Variants in BMP3 observed in about 807,000 individuals in gnomAD.
BMP3 encodes bone morphogenetic protein 3.
BMP3 carries 23 observed loss-of-function variants against 38.1 expected under a neutral mutation model. That is an observed-to-expected ratio of 0.60 (90% confidence interval 0.43 to 0.86). The LOEUF is 0.86. BMP3 is among the 40% of genes least tolerant of loss of function. The pLI, the probability that BMP3 is intolerant of heterozygous loss-of-function variation, is 0.00. For missense variants in BMP3, 628 were observed against 579.6 expected (o/e 1.08, Z -0.86); for synonymous variants, 258 against 225.7 (o/e 1.14, Z -1.28).
chr4:81,047,817 G>A (rs1456592732), intron 2 of BMP3, among the ~76,000 whole-genome samples: 1 of 152,030 alleles, frequency 6.6e-6, no homozygotes, highest in East Asian at 1.9e-4. Context: ...GCATGCCCCT[G>A]TAGTTCCAGC....
chr4:81,037,436 C>T (rs983749062), intron 1 of BMP3: 2 of 204,302 alleles, frequency 9.8e-6, no homozygotes, highest in South Asian at 7.2e-5. Flanking sequence ...TTGGCTGAAC[C>T]GCTAAGAAGT....
chr4:81,048,076 G>A (rs1265784304), intron 2 of BMP3, among the ~76,000 whole-genome samples: 1 of 151,760 alleles, frequency 6.6e-6, no homozygotes, highest in Non-Finnish European at 1.5e-5. Flanking sequence ...TCTTTCCCAA[G>A]GATTTTTGAT....
rs979862401 is a variant in BMP3, at chr4:81,031,029, A to G, written c.-256A>G. On this transcript the variant is annotated 5_prime_UTR_variant, in exon 1 of 3. Transcript: ENST00000282701. ...CAGCTCTTTCTCAGCGTTGGAGTGGAGACGGCGCCCGCAGCGCCCTGCGCG... is the reference window on the plus strand; with the variant it reads ...CAGCTCTTTCTCAGCGTTGGAGTGGGGACGGCGCCCGCAGCGCCCTGCGCG... 8.0e-6 allele frequency: 4 copies of G among 498,524 alleles called. No homozygotes were observed. The highest frequency in any genetic ancestry group is 4.0e-5 in the Admixed American group (1 of 25,154). 30.9% of individuals were successfully genotyped at this position (498,524 alleles called of 1,614,324 possible). A position where few individuals can be genotyped will look rare whatever the true frequency, so the allele number is the denominator to read the frequency against.
chr4:81,035,767 G>A (rs964860874), intron 1 of BMP3, among the ~76,000 whole-genome samples: 2 of 151,882 alleles, frequency 1.3e-5, no homozygotes, highest in East Asian at 1.9e-4. Context: ...ATAAAATTGG[G>A]CCTCATGGTC....
chr4:81,051,256 T>C (rs1198974834), intron 2 of BMP3, among the ~76,000 whole-genome samples: 1 of 152,172 alleles, frequency 6.6e-6, no homozygotes, highest in Admixed American at 6.6e-5. Context: ...CACAGAAACT[T>C]GTATTTGTGT....
rs1262387210 is a variant in BMP3 at position 81,031,600 on chromosome 4, GGTGA to G, written c.316+4_316+7del. ...TCGCAGCTTTCGGGCGGCAGCAGCA[GGTGA>G]GTGCGCGAGGTGAGACTCCCTTCCC... On this transcript the variant is annotated splice_donor_variant and splice_donor_region_variant and intron_variant, in intron 1 of 2. Coordinates refer to ENST00000282701, the MANE Select transcript of BMP3 (RefSeq NM_001201.5). LOFTEE classifies it high-confidence loss of function. 9.4e-6 allele frequency: 15 copies of G among 1,587,842 alleles called. No homozygotes were observed. The highest frequency in any genetic ancestry group is 1.2e-5 in the Non-Finnish European group (14 of 1,168,854).
chr4:81,036,163 T>G lies in BMP3; in HGVS notation c.316+4563T>G, dbSNP rs146401030. On this transcript the variant is annotated intron_variant, in intron 1 of 2. Transcript: ENST00000282701. ...TCATCTATAAGATTAATATTCATTG[T>G]TTCACACAGGTATTATGCTTTAAAA... Among the ~76,000 whole-genome samples, 374 of 152,136 alleles carry G rather than the reference T, an allele frequency of 2.5e-3. 2 individuals carry two copies. The highest frequency in any genetic ancestry group is 8.3e-3 in the African/African-American group (344 of 41,568).
At chr4:81,040,339 C>T (rs770542738) in intron 1 of BMP3, among the ~76,000 whole-genome samples, 6 of 152,156 alleles carry the variant, frequency 3.9e-5, no homozygotes, top group Admixed American at 6.6e-5. Context: ...GACGTTCTCT[C>T]GTTCACTTTC....
chr4:81,050,044 C>G (rs924215879), intron 2 of BMP3, among the ~76,000 whole-genome samples: 25 of 152,194 alleles, frequency 1.6e-4, no homozygotes, highest in African/African-American at 6.0e-4. Context: ...TGTGTTCTTT[C>G]TGCCTTTCCC....
Position 81,031,006 on chromosome 4 carries a change from G to C in BMP3, c.-279G>C, listed in dbSNP as rs1739734369. The C allele has an allele frequency of 4.3e-6, 2 of 463,264 alleles. No homozygotes were observed. The allele number at this position is 463,264 out of a possible 1,614,324, so 28.7% of individuals were successfully genotyped here. A position where few individuals can be genotyped will look rare whatever the true frequency, so the allele number is the denominator to read the frequency against. ...CGGGCCACACACGCCGCGACCTACA[G>C]CTCTTTCTCAGCGTTGGAGTGGAGA... On this transcript the variant is annotated 5_prime_UTR_variant, in exon 1 of 3. Coordinates refer to ENST00000282701, the MANE Select transcript of BMP3 (RefSeq NM_001201.5).
chr4:81,042,034 G>GT (rs1157466593), intron 1 of BMP3, among the ~76,000 whole-genome samples: 1 of 151,960 alleles, frequency 6.6e-6, no homozygotes, highest in Admixed American at 6.6e-5. Flanking sequence ...AGCCACAAAT[G>GT]TTAGTCACAT....
rs534258407 is a variant in BMP3 at position 81,031,217 on chromosome 4, G to C, written c.-68G>C. ...GAGTTCAACCCTCGGCTCCGCCGCC[G>C]GCTCCTTGCGCCTTCGGAGTGTCCC... is the stretch of plus-strand genomic sequence containing the variant. On this transcript the variant is annotated 5_prime_UTR_variant, in exon 1 of 3. Coordinates refer to ENST00000282701, the MANE Select transcript of BMP3 (RefSeq NM_001201.5). The C allele has an allele frequency of 6.9e-6, 10 of 1,447,190 alleles. No individual in the cohort carries two copies. In the East Asian group the frequency reaches 1.8e-4, roughly 25 times the overall value. 89.6% of individuals were successfully genotyped at this position (1,447,190 alleles called of 1,614,324 possible).
chr4:81,036,353 A>C (rs1027961870), intron 1 of BMP3, among the ~76,000 whole-genome samples: 2 of 152,052 alleles, frequency 1.3e-5, no homozygotes, highest in African/African-American at 4.8e-5. Flanking sequence ...AATAGGCATA[A>C]TAAAAATATC....
rs1160918354 is a variant in BMP3, at chr4:81,030,757, G to GCA, written c.-514_-513dup. On this transcript the variant is annotated 5_prime_UTR_variant, in exon 1 of 3. Coordinates refer to ENST00000282701, the MANE Select transcript of BMP3 (RefSeq NM_001201.5). ...CACGCACACACGCGCGCGCGCGCGC[G>GCA]CACACACACACACACGTACACTAAA... Among the ~76,000 whole-genome samples the GCA allele has an allele frequency of 1.0e-4, 15 of 148,474 alleles. No homozygotes were observed. The highest frequency in any genetic ancestry group is 2.1e-4 in the East Asian group (1 of 4,790).
chr4:81,031,265 C>A lies in BMP3; in HGVS notation c.-20C>A, dbSNP rs765453598. The A allele has an allele frequency of 1.9e-6, 3 of 1,565,838 alleles. No individual in the cohort carries two copies. The highest frequency in any genetic ancestry group is 3.6e-5 in the Admixed American group (2 of 55,372). Reference sequence around the variant, plus strand: ...CCCGCAGCGACGCCGGGAGCCGACGCGCCGCGCGGGTACCTAGCCATGGCT... The same window carrying A: ...CCCGCAGCGACGCCGGGAGCCGACGAGCCGCGCGGGTACCTAGCCATGGCT... On this transcript the variant is annotated 5_prime_UTR_variant, in exon 1 of 3. Coordinates refer to ENST00000282701, the MANE Select transcript of BMP3 (RefSeq NM_001201.5).
chr4:81,040,640 C>A (rs1740047646), intron 1 of BMP3, among the ~76,000 whole-genome samples: 1 of 152,070 alleles, frequency 6.6e-6, no homozygotes, highest in Non-Finnish European at 1.5e-5. Flanking sequence ...TTATTCAACT[C>A]AAATCTATGA....
chr4:81,031,351 G>A lies in BMP3; in HGVS notation c.67G>A (p.Glu23Lys), dbSNP rs764446118. The A allele has an allele frequency of 6.2e-7, 1 of 1,612,598 alleles. No individual in the cohort carries two copies. The highest frequency in any genetic ancestry group is 8.5e-7 in the Non-Finnish European group (1 of 1,179,568). Residue 23 changes from glutamate (E) to lysine (K), a missense_variant, in exon 1 of 3, where the codon GAG becomes AAG. Glu to Lys is a moderately conservative substitution (Grantham distance 56). Transcript: ENST00000282701. ...GCFCVSLAQG[E>K]RPKPPFPELR... ...CTTCTGCGTGAGCCTGGCGCAGGGAGAGAGACCGAAGCCACCTTTCCCGGA... is the reference window on the plus strand; with the variant it reads ...CTTCTGCGTGAGCCTGGCGCAGGGAAAGAGACCGAAGCCACCTTTCCCGGA...
Position 81,046,571 on chromosome 4 carries a change from T to C in BMP3, c.1150T>C (p.Trp384Arg). The C allele has an allele frequency of 1.2e-6, 2 of 1,614,162 alleles. No homozygotes were observed. The highest frequency in any genetic ancestry group is 1.7e-6 in the Non-Finnish European group (2 of 1,180,018). ...YLKVDFADIG[W>R]SEWIISPKSF... ...CAAGGTAGACTTTGCAGATATTGGCTGGAGTGAATGGATTATCTCCCCCAA... is the reference window on the plus strand; with the variant it reads ...CAAGGTAGACTTTGCAGATATTGGCCGGAGTGAATGGATTATCTCCCCCAA... Residue 384 changes from tryptophan to arginine, a missense_variant, in exon 2 of 3, where the codon TGG (tryptophan) becomes CGG (arginine). Transcript: ENST00000282701.
In BMP3 at chr4:81,046,242, A is replaced by G. The variant is rs1299404844; in HGVS notation, c.821A>G (p.Asp274Gly). 1 of 1,614,118 alleles carries G rather than the reference A, an allele frequency of 6.2e-7. No individual in the cohort carries two copies. The stretch of plus-strand genomic sequence containing the variant: ...CCCACTGGAACTGTTCCCAAATGGG[A>G]TAGCCACATCAGAGCTGCCCTTTCC... ...NFPTGTVPKW[D>G]SHIRAALSIE... The change falls in exon 2 of 3, where the codon GAT becomes GGT. Residue 274 changes from aspartate to glycine, a missense_variant. Transcript: ENST00000282701.
Sources: gnomAD v4.1 joint callset for allele counts (sites outside exome capture counted in the v4.1 genomes callset) on GRCh38, gnomAD v4.1.1 for gene constraint, MANE v1.5 for transcripts, NCBI Gene and HGNC (gene_info 2026-07-23, HGNC 2026-07-21) for gene names.